CNTFR: variants seen among roughly 807,000 people sequenced by gnomAD.
The protein encoded by CNTFR is ciliary neurotrophic factor receptor subunit alpha.
A neutral mutation model predicts 40.4 loss-of-function variants in CNTFR; 12 were observed. The observed-to-expected ratio is 0.30, with a 90% CI of 0.19 to 0.48. The LOEUF (loss-of-function observed/expected upper bound fraction) is 0.48. Among genes scored for constraint, CNTFR ranks in the 20% least tolerant of loss-of-function variants. The pLI is 0.99. For synonymous variants in CNTFR, 202 were observed against 209.6 expected (o/e 0.96, Z 0.31); for missense variants, 414 against 506.8 (o/e 0.82, Z 1.76).
At chr9:34,554,123 T>C (rs1451454514) in intron 7 of CNTFR, among the ~76,000 whole-genome samples, 1 of 152,014 alleles carries the variant, frequency 6.6e-6, no homozygotes, top group Non-Finnish European at 1.5e-5. Context: ...GCTCAGTAAA[T>C]CCTAATCTCA....
At chr9:34,575,886 C>T (rs966956634) in intron 2 of CNTFR, among the ~76,000 whole-genome samples, 3 of 152,164 alleles carry the variant, frequency 2.0e-5, no homozygotes, top group African/African-American at 7.2e-5. Context: ...TGAGGAGCCT[C>T]CTGGTCTGCT....
intron 1 of CNTFR, among the ~76,000 whole-genome samples, chr9:34,586,681 C>G (rs1827560045): frequency 6.6e-6 from 1 of 152,184 alleles, no homozygotes; most frequent in African/African-American, 2.4e-5. Flanking sequence ...GTTCACATTA[C>G]TCCTGTACCA....
At chr9:34,578,737 C>T (rs1827125665) in intron 2 of CNTFR, among the ~76,000 whole-genome samples, 1 of 152,238 alleles carries the variant, frequency 6.6e-6, no homozygotes. Context: ...CTTCAGCCAG[C>T]CTTCCAAGTT....
At chr9:34,556,550 T>C (rs188540123) in intron 6 of CNTFR, 132 bp from the exon 7 acceptor site, 70 of 839,158 alleles carry the variant, frequency 8.3e-5, no homozygotes, top group Middle Eastern at 6.9e-4. Flanking sequence ...GTGCCTCTTC[T>C]CTGTTGTCAA....
intron 3 of CNTFR, among the ~76,000 whole-genome samples, chr9:34,567,542 C>T (rs556569939): frequency 3.9e-5 from 6 of 152,202 alleles, no homozygotes; most frequent in African/African-American, 7.2e-5. Flanking sequence ...ACACCTGATA[C>T]GAGATCACAT....
chr9:34,552,440 C>A lies in CNTFR; in HGVS notation c.950-111G>T, dbSNP rs980121916. ...CCTGCATCAGACTGGTACTGCCTCC[C>A]CCATCAGGCAGATCCTGTTTCCCAA... On this transcript the variant is annotated intron_variant, in intron 8 of 9. Transcript: ENST00000378980. This position sits in a 1 kb window ranked among gnomAD's most constrained non-coding sequence, Gnocchi z 5.1. The A allele has an allele frequency of 6.8e-6, 8 of 1,169,500 alleles. No individual in the cohort carries two copies. The highest frequency in any genetic ancestry group is 9.4e-6 in the Non-Finnish European group (8 of 847,546). 72.4% of individuals were successfully genotyped at this position (1,169,500 alleles called of 1,614,324 possible).
At chr9:34,579,757 ATTCT>A (rs960729492) in intron 2 of CNTFR, among the ~76,000 whole-genome samples, 1 of 152,104 alleles carries the variant, frequency 6.6e-6, no homozygotes. Context: ...GACAGCAGAT[ATTCT>A]TTATTTCCAA....
At chr9:34,559,057 C>T (rs1442976298) in intron 4 of CNTFR, among the ~76,000 whole-genome samples, 3 of 152,180 alleles carry the variant, frequency 2.0e-5, no homozygotes, top group African/African-American at 7.2e-5. Flanking sequence ...ATCTGCGGCT[C>T]CAGGGACACT....
At chr9:34,581,072 C>T (rs1379907983) in intron 2 of CNTFR, 23 bp downstream of exon 2, 1 of 152,724 alleles carries the variant, frequency 6.5e-6, no homozygotes, top group African/African-American at 2.4e-5. Flanking sequence ...ATTGATCTGC[C>T]CCACGTGGGC....
intron 7 of CNTFR, among the ~76,000 whole-genome samples, chr9:34,555,470 A>G (rs531038372): frequency 1.3e-4 from 20 of 152,104 alleles, no homozygotes; most frequent in South Asian, 2.1e-4. Flanking sequence ...CCACGACCCT[A>G]TGGGCCCAGG....
Position 34,552,722 on chromosome 9 carries a change from G to T in CNTFR, c.901C>A (p.Pro301Thr). The T allele has an allele frequency of 6.2e-7, 1 of 1,613,844 alleles. No homozygotes were observed. Among genetic ancestry groups the T allele is most frequent in the South Asian group, 1.1e-5 (1 of 91,084 alleles). The stretch of plus-strand genomic sequence containing the variant: ...AGGTGTCGCGGTTCCTCAGTCCAGG[G>T]CGTAGCGTGGGCGGCTACGCTCCAG... ...SDWSVAAHATPWTEEPRHLTT... is the reference protein window; with the variant it reads ...SDWSVAAHATTWTEEPRHLTT... The change falls in exon 8 of 10, where the codon CCC becomes ACC. Residue 301 changes from proline (P) to threonine (T), a missense_variant. By Grantham distance (38) the Pro-to-Thr change is conservative (BLOSUM62 -1). Coordinates refer to ENST00000378980, the MANE Select transcript of CNTFR (RefSeq NM_147164.3). This position sits in a 1 kb window ranked among gnomAD's most constrained non-coding sequence, Gnocchi z 5.1.
In CNTFR at chr9:34,564,808, C is replaced by T. The variant is rs773917535; in HGVS notation, c.110G>A (p.Arg37His). Residue 37 changes from arginine (R) to histidine (H), a missense_variant, in exon 4 of 10, where the codon CGC (arginine) becomes CAC (histidine). Arg to His is a conservative substitution (Grantham distance 29). This residue lies in a region of CNTFR where 250 missense variants were observed against 269.5 expected (regional missense o/e 0.93). Coordinates refer to ENST00000378980, the MANE Select transcript of CNTFR (RefSeq NM_147164.3). Reference protein sequence around the residue: ...PQEAPHVQYERLGSDVTLPCG... With the variant: ...PQEAPHVQYEHLGSDVTLPCG... ...TGGCAGTGTCACGTCAGAGCCCAGG[C>T]GCTCGTACTGCACATGGGGTGCCTC... The T allele has an allele frequency of 3.0e-5, 49 of 1,613,552 alleles. No individual in the cohort carries two copies. Among genetic ancestry groups the T allele is most frequent in the African/African-American group, 4.0e-5 (3 of 74,774 alleles).
At chr9:34,579,971 C>G (rs1033760452) in intron 2 of CNTFR, 8 of 152,030 alleles carry the variant, frequency 5.3e-5, no homozygotes, top group Non-Finnish European at 7.4e-5. Context: ...CCTCTGAGAT[C>G]CCCAGGAAGA....
intron 4 of CNTFR, among the ~76,000 whole-genome samples, chr9:34,564,027 G>A (rs72735283): frequency 0.028 from 4,323 of 152,176 alleles, 92 homozygotes; most frequent in Non-Finnish European, 0.037. Context: ...CCTCCCAGCC[G>A]CTGAGGCCTA....
chr9:34,556,063 G>T (rs1030968738), intron 7 of CNTFR, among the ~76,000 whole-genome samples, 192 bp downstream of exon 7: 1 of 151,462 alleles, frequency 6.6e-6, no homozygotes, highest in Non-Finnish European at 1.5e-5. Flanking sequence ...ACTAACAGGG[G>T]TCACTGGGAA....
At chr9:34,586,728 T>C (rs900665021) in intron 1 of CNTFR, among the ~76,000 whole-genome samples, 1 of 152,134 alleles carries the variant, frequency 6.6e-6, no homozygotes, top group Non-Finnish European at 1.5e-5. Flanking sequence ...GAGTCTAGTC[T>C]CCTTATGGAA....
chr9:34,556,415 T>G lies in CNTFR; in HGVS notation c.608A>C (p.Lys203Thr). ...TACCACATTTTCTGGAGGATCAGGC[T>G]TCACTGTTCAGGAGACATAGCTTCA... is the stretch of plus-strand genomic sequence containing the variant. ...AITFDEFTIV[K>T]PDPPENVVAR... Residue 203 changes from lysine (K) to threonine (T), a missense_variant, in exon 7 of 10, where the codon AAG becomes ACG. Physicochemically the swap from Lys to Thr is moderately conservative, Grantham distance 78. Around this residue, in one of 3 missense-constraint regions of CNTFR, gnomAD observed 83 missense variants for 145.0 expected, o/e 0.57. Coordinates refer to ENST00000378980, the MANE Select transcript of CNTFR (RefSeq NM_147164.3). 5 of 1,607,452 alleles carry G rather than the reference T, an allele frequency of 3.1e-6. No individual in the cohort carries two copies. The highest frequency in any genetic ancestry group is 3.4e-6 in the Non-Finnish European group (4 of 1,176,360).
chr9:34,587,689 C>T (rs12553479), intron 1 of CNTFR, among the ~76,000 whole-genome samples: 7,829 of 152,170 alleles, frequency 0.051, 273 homozygotes, highest in South Asian at 0.12. Flanking sequence ...GTTCCCCATG[C>T]GAGTCTGACT....
intron 2 of CNTFR, among the ~76,000 whole-genome samples, chr9:34,573,978 G>C (rs1034223586): frequency 2.0e-4 from 31 of 152,328 alleles, no homozygotes; most frequent in Non-Finnish European, 3.1e-4. Context: ...ACTGGCTGAG[G>C]GGGGAGCCTG....
Sources: allele counts gnomAD v4.1 joint callset (sites outside exome capture counted in the v4.1 genomes callset), GRCh38; gene constraint gnomAD v4.1.1; regional missense constraint gnomAD v4.1.1; non-coding constraint Gnocchi (gnomAD v3.1); transcripts MANE v1.5; gene names NCBI Gene and HGNC (gene_info 2026-07-23, HGNC 2026-07-21).